EFL1: variants seen among roughly 807,000 people sequenced by gnomAD.
The protein encoded by EFL1 is elongation factor-like GTPase 1.
EFL1 carries 76 observed loss-of-function variants against 126.7 expected under a neutral mutation model. The observed-to-expected ratio is 0.60, with a 90% CI of 0.50 to 0.73. The LOEUF (loss-of-function observed/expected upper bound fraction) is 0.73. EFL1 is among the 30% of genes least tolerant of loss of function. EFL1 has a pLI of 0.00. For synonymous variants in EFL1, 410 were observed against 448.4 expected (o/e 0.91, Z 1.08); for missense variants, 1,128 against 1,343.2 (o/e 0.84, Z 2.50).
At chr15:82,139,476 T>C (rs1419664211) in intron 18 of EFL1, among the ~76,000 whole-genome samples, 1 of 152,180 alleles carries the variant, frequency 6.6e-6, no homozygotes, top group East Asian at 1.9e-4. Flanking sequence ...ACTAGCAAAT[T>C]CTCTTGGATG....
At chr15:82,165,800 C>T (rs2074073715) in intron 15 of EFL1, among the ~76,000 whole-genome samples, 1 of 152,190 alleles carries the variant, frequency 6.6e-6, no homozygotes, top group Admixed American at 6.5e-5. Context: ...GTATCATTAG[C>T]TCCTTTAACT....
chr15:82,198,156 T>C (rs2074427846), intron 15 of EFL1, among the ~76,000 whole-genome samples: 1 of 152,226 alleles, frequency 6.6e-6, no homozygotes, highest in African/African-American at 2.4e-5. Flanking sequence ...TCTGTTTCTC[T>C]GTGATTTGAT....
chr15:82,201,408 T>C (rs1032630382), intron 15 of EFL1, among the ~76,000 whole-genome samples: 21 of 152,200 alleles, frequency 1.4e-4, no homozygotes, highest in Non-Finnish European at 1.9e-4. Context: ...CTCCTCACTC[T>C]ATGTATAAAA....
At chr15:82,145,129 C>A (rs1240061946) in intron 18 of EFL1, among the ~76,000 whole-genome samples, 2 of 151,476 alleles carry the variant, frequency 1.3e-5, no homozygotes, top group Non-Finnish European at 2.9e-5. Context: ...CATGGAGAAA[C>A]CCCATCTCTA....
In EFL1 at chr15:82,222,354, G is replaced by A. The variant is rs141732601; in HGVS notation, c.1293-2125C>T. Among the ~76,000 whole-genome samples, 1,054 of 152,302 alleles carry A rather than the reference G, an allele frequency of 6.9e-3. 13 individuals carry two copies. Among genetic ancestry groups the A allele is most frequent in the African/African-American group, 0.024 (1,006 of 41,564 alleles). On this transcript the variant is annotated intron_variant, in intron 12 of 19. Transcript: ENST00000268206. ...AAATCCAGATCTGTATGGCTCTGAAGTCTATGCTCATTATCACCAGGTTAT... is the reference window on the plus strand; with the variant it reads ...AAATCCAGATCTGTATGGCTCTGAAATCTATGCTCATTATCACCAGGTTAT...
chr15:82,237,627 T>A (rs1396313115), intron 7 of EFL1, among the ~76,000 whole-genome samples: 2 of 151,906 alleles, frequency 1.3e-5, no homozygotes, highest in Non-Finnish European at 2.9e-5. Context: ...AACATACAAC[T>A]ATCATATGAC....
At chr15:82,224,552 G>GGCA (rs1479736168) in intron 12 of EFL1, among the ~76,000 whole-genome samples, 7 of 152,202 alleles carry the variant, frequency 4.6e-5, no homozygotes, top group Non-Finnish European at 7.3e-5. Flanking sequence ...AAGAAAGAAT[G>GGCA]GCAAGTGGAT....
intron 3 of EFL1, among the ~76,000 whole-genome samples, chr15:82,256,450 C>T (rs964918974): frequency 6.6e-6 from 1 of 152,164 alleles, no homozygotes; most frequent in Non-Finnish European, 1.5e-5. Flanking sequence ...CCAAAATTCA[C>T]ACTTTTTATT....
chr15:82,240,203 T>C (rs1399514582), intron 6 of EFL1, among the ~76,000 whole-genome samples: 1 of 152,198 alleles, frequency 6.6e-6, no homozygotes, highest in Admixed American at 6.5e-5. Flanking sequence ...AGAGAGCCTA[T>C]TGTCCAAGCT....
intron 15 of EFL1, among the ~76,000 whole-genome samples, chr15:82,211,683 T>C (rs537905215): frequency 1.3e-5 from 2 of 150,084 alleles, no homozygotes; most frequent in Non-Finnish European, 3.0e-5. Flanking sequence ...GTTGCTTTTA[T>C]TAAACACCCT....
At chr15:82,156,221 T>C (rs2141233673) in intron 17 of EFL1, among the ~76,000 whole-genome samples, 1 of 152,318 alleles carries the variant, frequency 6.6e-6, no homozygotes. Context: ...GAATACATCA[T>C]GAGGTAGCGG....
chr15:82,137,078 C>T lies in EFL1; in HGVS notation c.3174+1580G>A, dbSNP rs116685288. On this transcript the variant is annotated intron_variant, in intron 19 of 19. Coordinates refer to ENST00000268206, the MANE Select transcript of EFL1 (RefSeq NM_024580.6). ...ATGGTGTGCTCTGGGCTAGCAACTT[C>T]ACTTGCATCAATTTAGATGATATGA... is the stretch of plus-strand genomic sequence containing the variant. Among the ~76,000 whole-genome samples, 345 of 151,818 alleles carry T rather than the reference C, an allele frequency of 2.3e-3. 3 individuals are homozygous for T. The highest frequency in any genetic ancestry group is 7.9e-3 in the African/African-American group (329 of 41,390).
intron 7 of EFL1, among the ~76,000 whole-genome samples, chr15:82,236,228 G>A (rs901759616): frequency 3.3e-5 from 5 of 152,078 alleles, no homozygotes; most frequent in African/African-American, 1.2e-4. Context: ...ACATAGCAAA[G>A]ATGTCAAAAT....
chr15:82,173,165 T>C (rs2074154940), intron 15 of EFL1, among the ~76,000 whole-genome samples: 2 of 152,032 alleles, frequency 1.3e-5, no homozygotes, highest in East Asian at 3.9e-4. Flanking sequence ...AAATAAATTA[T>C]AATGAATTCA....
intron 18 of EFL1, among the ~76,000 whole-genome samples, chr15:82,145,343 G>T (rs2073833377): frequency 6.8e-6 from 1 of 146,558 alleles, no homozygotes. Context: ...CACTTATAAA[G>T]AATGTTTCTG....
chr15:82,145,894 A>G (rs2073840434), intron 18 of EFL1, among the ~76,000 whole-genome samples: 1 of 152,030 alleles, frequency 6.6e-6, no homozygotes. Flanking sequence ...CTGTCTAACA[A>G]AAAGAAATAT....
intron 17 of EFL1, among the ~76,000 whole-genome samples, chr15:82,156,972 A>T (rs2073975003): frequency 6.6e-6 from 1 of 152,206 alleles, no homozygotes; most frequent in African/African-American, 2.4e-5. Flanking sequence ...TTATAATGTA[A>T]ATTAGAACAG....
At chr15:82,236,118 C>T (rs574208636) in intron 7 of EFL1, among the ~76,000 whole-genome samples, 27 of 151,868 alleles carry the variant, frequency 1.8e-4, no homozygotes, top group Non-Finnish European at 3.5e-4. Context: ...TCAACATGTA[C>T]AGCACTTGGA....
At chr15:82,249,582 T>C (rs1274813059) in intron 4 of EFL1, among the ~76,000 whole-genome samples, 1 of 152,062 alleles carries the variant, frequency 6.6e-6, no homozygotes, top group Admixed American at 6.6e-5. Context: ...TTCAAAGGCA[T>C]TACATCCCCT....
Sources: allele counts gnomAD v4.1 joint callset (sites outside exome capture counted in the v4.1 genomes callset), GRCh38; gene constraint gnomAD v4.1.1; transcripts MANE v1.5; gene names NCBI Gene and HGNC (gene_info 2026-07-23, HGNC 2026-07-21).